MAP4K5: variants seen among roughly 807,000 people sequenced by gnomAD.
The protein encoded by MAP4K5 is mitogen-activated protein kinase kinase kinase kinase 5.
A neutral mutation model predicts 135.6 loss-of-function variants in MAP4K5; 82 were observed. That is an observed-to-expected ratio of 0.60 (90% CI 0.51 to 0.73). The LOEUF is 0.73. Ranked by LOEUF, MAP4K5 falls within the 30% of genes least tolerant of loss-of-function variation. The pLI is 0.00. For missense variants in MAP4K5, 907 were observed against 1,010.9 expected (o/e 0.90, Z 1.39); for synonymous variants, 347 against 335.0 (o/e 1.04, Z -0.39).
chr14:50,473,220 CTT>C (rs898494723), intron 9 of MAP4K5, among the ~76,000 whole-genome samples: 10 of 152,044 alleles, frequency 6.6e-5, no homozygotes, highest in African/African-American at 2.4e-4. Context: ...AAAACTGAGT[CTT>C]TGTTAATTTT....
At chr14:50,473,716 C>CTTTTTTTTTTTTTTTT (rs398077753) in intron 9 of MAP4K5, among the ~76,000 whole-genome samples, 1 of 95,502 alleles carries the variant, frequency 1.0e-5, no homozygotes, top group African/African-American at 4.7e-5. Context: ...TTTGGTTTCA[C>CTTTTTTTTTTTTTTTT]TTTTTTTTTT....
chr14:50,558,030 T>C (rs191745803), intron 1 of MAP4K5, among the ~76,000 whole-genome samples: 230 of 152,282 alleles, frequency 1.5e-3, no homozygotes, highest in African/African-American at 5.4e-3. Flanking sequence ...CATAGCACAA[T>C]TTTTTTAAAA....
chr14:50,479,878 T>G (rs939635561), intron 6 of MAP4K5, among the ~76,000 whole-genome samples: 1 of 152,194 alleles, frequency 6.6e-6, no homozygotes, highest in African/African-American at 2.4e-5. Context: ...CCCTGTACTG[T>G]GGCCTGAAAA....
At chr14:50,453,560 A>G (rs1040942748) in intron 14 of MAP4K5, among the ~76,000 whole-genome samples, 7 of 152,174 alleles carry the variant, frequency 4.6e-5, no homozygotes, top group Admixed American at 4.6e-4. Context: ...ATTTAGAATG[A>G]ATCATCCTAT....
intron 2 of MAP4K5, among the ~76,000 whole-genome samples, chr14:50,513,321 T>C (rs1029412535): frequency 6.6e-6 from 1 of 152,172 alleles, no homozygotes; most frequent in African/African-American, 2.4e-5. Flanking sequence ...AAGTTACCTA[T>C]GGATTTCCAC....
Position 50,546,460 on chromosome 14 carries a change from C to A in MAP4K5, c.-179-3876G>T, listed in dbSNP as rs756048239. 8.5e-5 allele frequency among the ~76,000 whole-genome samples: 13 copies of A among 152,072 alleles called. No individual in the cohort carries two copies. The Middle Eastern group carries it at 0.01, about 119-fold the overall frequency. ...TTATATGTTATGTCTGACATGCTAC[C>A]AACTTGGCTTATAAGTAAATGAGTA... On this transcript the variant is annotated intron_variant, in intron 1 of 8. Transcript: ENST00000555216.
At chr14:50,444,689 C>T (rs909863524) in intron 18 of MAP4K5, among the ~76,000 whole-genome samples, 1 of 152,132 alleles carries the variant, frequency 6.6e-6, no homozygotes, top group African/African-American at 2.4e-5. Context: ...TTTCAGAAGA[C>T]ACATACATAA....
chr14:50,473,515 C>G (rs1195627948), intron 9 of MAP4K5, among the ~76,000 whole-genome samples: 1 of 151,944 alleles, frequency 6.6e-6, no homozygotes, highest in Non-Finnish European at 1.5e-5. Flanking sequence ...AAATATTAAA[C>G]CTAGTTTGGC....
intron 2 of MAP4K5, among the ~76,000 whole-genome samples, chr14:50,517,404 G>A (rs894414028): frequency 4.6e-5 from 7 of 151,660 alleles, no homozygotes; most frequent in East Asian, 4.0e-4. Flanking sequence ...CGCTCACCTC[G>A]GCCTCCCAAA....
intron 30 of MAP4K5, among the ~76,000 whole-genome samples, chr14:50,427,987 T>A (rs1048029506): frequency 6.6e-6 from 1 of 152,070 alleles, no homozygotes; most frequent in Non-Finnish European, 1.5e-5. Flanking sequence ...TGGGAAAGAA[T>A]TGGGGGAAGT....
intron 28 of MAP4K5, among the ~76,000 whole-genome samples, chr14:50,433,630 C>A (rs2036023936): frequency 6.6e-6 from 1 of 152,140 alleles, no homozygotes. Context: ...TAATAAGAAG[C>A]ATTAAGCATC....
chr14:50,514,332 C>T (rs2037989007), intron 2 of MAP4K5, among the ~76,000 whole-genome samples: 1 of 152,106 alleles, frequency 6.6e-6, no homozygotes, highest in Non-Finnish European at 1.5e-5. Context: ...ATCTACCCAC[C>T]TCATCCTCCC....
intron 30 of MAP4K5, among the ~76,000 whole-genome samples, chr14:50,427,837 C>G (rs1023881023): frequency 1.9e-4 from 29 of 152,178 alleles, no homozygotes; most frequent in Admixed American, 1.9e-3. Context: ...TAAAAGTTTA[C>G]AAGTCCTGTG....
chr14:50,535,281 G>A (rs922864030), upstream of MAP4K5, among the ~76,000 whole-genome samples: 1 of 152,192 alleles, frequency 6.6e-6, no homozygotes, highest in Middle Eastern at 3.2e-3. Context: ...AGAATTGGGA[G>A]ACATAAAATG....
chr14:50,515,856 CAT>C (rs1329754235), intron 2 of MAP4K5, among the ~76,000 whole-genome samples: 1 of 152,124 alleles, frequency 6.6e-6, no homozygotes, highest in Non-Finnish European at 1.5e-5. Flanking sequence ...TTCTAGGGCA[CAT>C]CTCTCTCCTC....
At chr14:50,506,918 C>A (rs935830067) in intron 2 of MAP4K5, among the ~76,000 whole-genome samples, 1 of 152,188 alleles carries the variant, frequency 6.6e-6, no homozygotes, top group Admixed American at 6.5e-5. Flanking sequence ...GTTAGCCTCA[C>A]GTCTTCTTCT....
intron 2 of MAP4K5, among the ~76,000 whole-genome samples, chr14:50,542,313 G>T (rs2038575642): frequency 6.6e-6 from 1 of 151,836 alleles, no homozygotes; most frequent in Admixed American, 6.6e-5. Flanking sequence ...GGCAAGGGGA[G>T]AGAGAGCACT....
At chr14:50,489,705 G>A (rs1286995455) in intron 3 of MAP4K5, among the ~76,000 whole-genome samples, 2 of 152,292 alleles carry the variant, frequency 1.3e-5, no homozygotes, top group African/African-American at 2.4e-5. Context: ...GAACCAGGGT[G>A]AACAACTGAC....
At chr14:50,427,571 A>G (rs2035873794) in intron 30 of MAP4K5, among the ~76,000 whole-genome samples, 2 of 152,214 alleles carry the variant, frequency 1.3e-5, no homozygotes, top group South Asian at 4.1e-4. Context: ...TATAAAGTAC[A>G]TGTTATTTTT....
Sources: allele counts gnomAD v4.1 joint callset (sites outside exome capture counted in the v4.1 genomes callset), GRCh38; gene constraint gnomAD v4.1.1; transcripts MANE v1.5; gene names NCBI Gene and HGNC (gene_info 2026-07-23, HGNC 2026-07-21).